Variants in C13orf42 observed in about 807,000 individuals in gnomAD.
C13orf42 encodes the protein uncharacterized protein C13orf42.
chr13:51,123,223 C>T (rs1953550223), intron 1 of C13orf42, among the ~76,000 whole-genome samples: 1 of 152,228 alleles, frequency 6.6e-6, no homozygotes, highest in East Asian at 1.9e-4. Flanking sequence ...GCTGTGACAA[C>T]AAATAACTCC....
intron 1 of C13orf42, among the ~76,000 whole-genome samples, chr13:51,152,208 G>A (rs960553104): frequency 6.6e-6 from 1 of 152,230 alleles, no homozygotes; most frequent in Non-Finnish European, 1.5e-5. Context: ...ACCATGCTTA[G>A]AACGGTGCAC....
At chr13:51,145,659 G>A (rs1953728370) in intron 1 of C13orf42, among the ~76,000 whole-genome samples, 1 of 152,118 alleles carries the variant, frequency 6.6e-6, no homozygotes, top group African/African-American at 2.4e-5. Context: ...TCACTCCTCT[G>A]CTCACTGAGA....
Position 51,151,219 on chromosome 13 carries a change from G to A in C13orf42, n.136+21034C>T, listed in dbSNP as rs145560319. ...GCTGCTAATCAGGTTAAGATGGGGG[G>A]ATTTTCCAGATTATCTTTCTTAAAA... On this transcript the variant is annotated intron_variant and non_coding_transcript_variant, in intron 1 of 4. Coordinates refer to the C13orf42 transcript ENST00000433280. Among the ~76,000 whole-genome samples the A allele has an allele frequency of 5.4e-3, 827 of 152,286 alleles. 4 individuals are homozygous for A. The highest frequency in any genetic ancestry group is 0.02 in the South Asian group (96 of 4,820).
upstream of C13orf42, among the ~76,000 whole-genome samples, chr13:51,115,862 G>A (rs544307742): frequency 3.9e-5 from 6 of 152,296 alleles, no homozygotes; most frequent in Non-Finnish European, 8.8e-5. Flanking sequence ...TATGAATTCT[G>A]AGGAAAGAAT....
At chr13:51,114,614 T>TGATAGATA (rs36090660), upstream of C13orf42, among the ~76,000 whole-genome samples, 961 of 136,678 alleles carry the variant, frequency 7.0e-3, 11 homozygotes, top group Admixed American at 0.019. Flanking sequence ...TACAGATAGA[T>TGATAGATA]GATAGATAGA....
At chr13:51,122,956 G>C (rs959975701) in intron 1 of C13orf42, among the ~76,000 whole-genome samples, 1 of 152,120 alleles carries the variant, frequency 6.6e-6, no homozygotes, top group East Asian at 1.9e-4. Flanking sequence ...GAAAACAATG[G>C]GGGAGAAAGG....
chr13:51,107,045 G>A (rs1301790568), intron 1 of C13orf42, among the ~76,000 whole-genome samples: 2 of 152,208 alleles, frequency 1.3e-5, no homozygotes, highest in African/African-American at 4.8e-5. Context: ...ACCATGCAGG[G>A]TCCCAGGAGG....
At chr13:51,137,229 T>C (rs1953664474) in intron 1 of C13orf42, among the ~76,000 whole-genome samples, 1 of 152,262 alleles carries the variant, frequency 6.6e-6, no homozygotes, top group South Asian at 2.1e-4. Flanking sequence ...AATTGCACAC[T>C]ATGACACATT....
At chr13:51,141,604 C>A (rs972377355) in intron 1 of C13orf42, among the ~76,000 whole-genome samples, 1 of 151,980 alleles carries the variant, frequency 6.6e-6, no homozygotes, top group South Asian at 2.1e-4. Flanking sequence ...TCGAGACCAG[C>A]CTGGCCAACA....
rs1165076838 is a variant in C13orf42 at position 51,118,851 on chromosome 13, T to C, written n.137-5629A>G. Among the ~76,000 whole-genome samples the C allele has an allele frequency of 2.6e-5, 4 of 152,002 alleles. No homozygotes were observed. In the East Asian group the frequency reaches 5.8e-4, roughly 22 times the overall value. ...TGGGCATACAGTATGCCCAGGGGTATAGTATGCCCAGGAATACAGCATGCC... is the reference window on the plus strand; with the variant it reads ...TGGGCATACAGTATGCCCAGGGGTACAGTATGCCCAGGAATACAGCATGCC... On this transcript the variant is annotated intron_variant and non_coding_transcript_variant, in intron 1 of 4. Transcript: ENST00000433280.
chr13:51,109,657 G>C (rs1447490081), intron 1 of C13orf42, among the ~76,000 whole-genome samples: 1 of 152,092 alleles, frequency 6.6e-6, no homozygotes, highest in African/African-American at 2.4e-5. Context: ...GGGAAGCTGA[G>C]GTGGCAGGAT....
chr13:51,172,000 C>T (rs1350924258), intron 1 of C13orf42: 1 of 152,244 alleles, frequency 6.6e-6, no homozygotes, highest in East Asian at 1.9e-4. Context: ...TCAAGGTGTA[C>T]CATAATAGAA....
chr13:51,147,386 T>C (rs1334817804), intron 1 of C13orf42, among the ~76,000 whole-genome samples: 1 of 152,078 alleles, frequency 6.6e-6, no homozygotes, highest in Non-Finnish European at 1.5e-5. Flanking sequence ...CTGCTGACCA[T>C]GGGACAGTGG....
At chr13:51,090,353 A>G (rs1433122685) in intron 1 of C13orf42, among the ~76,000 whole-genome samples, 1 of 152,114 alleles carries the variant, frequency 6.6e-6, no homozygotes, top group Non-Finnish European at 1.5e-5. Flanking sequence ...TAAGTCTATG[A>G]TGACAGATAT....
intron 1 of C13orf42, among the ~76,000 whole-genome samples, chr13:51,104,862 T>C (rs1383169931): frequency 6.6e-6 from 1 of 151,086 alleles, no homozygotes; most frequent in East Asian, 1.9e-4. Context: ...GGGCTCGTCA[T>C]AGCAGGAGAA....
At chr13:51,119,718 CAGAA>C (rs752511868) in intron 1 of C13orf42, among the ~76,000 whole-genome samples, 5 of 151,992 alleles carry the variant, frequency 3.3e-5, no homozygotes, top group Non-Finnish European at 5.9e-5. Context: ...TTCATAGAGA[CAGAA>C]AGAATGGTGG....
intron 1 of C13orf42, among the ~76,000 whole-genome samples, chr13:51,128,752 G>A (rs1347857688): frequency 1.3e-5 from 2 of 152,178 alleles, no homozygotes; most frequent in Non-Finnish European, 2.9e-5. Flanking sequence ...GATTCACTCA[G>A]GATGGTGGAA....
chr13:51,130,219 T>C (rs533872726), intron 1 of C13orf42, among the ~76,000 whole-genome samples: 19 of 152,352 alleles, frequency 1.2e-4, no homozygotes, highest in African/African-American at 4.3e-4. Flanking sequence ...TTGGTCTAAA[T>C]TATGCAGTCA....
At chr13:51,087,482 T>C (rs75124987) in intron 2 of C13orf42, among the ~76,000 whole-genome samples, 5,712 of 152,280 alleles carry the variant, frequency 0.038, 345 homozygotes, top group African/African-American at 0.13. Context: ...TCATGTTCAG[T>C]ATATTCACGT....
Sources: allele counts gnomAD v4.1 joint callset (sites outside exome capture counted in the v4.1 genomes callset), GRCh38; gene constraint gnomAD v4.1.1; transcripts MANE v1.5; gene names NCBI Gene and HGNC (gene_info 2026-07-23, HGNC 2026-07-21).